NSL1: variants seen among roughly 807,000 people sequenced by gnomAD.
The protein encoded by NSL1 is NSL1 component of MIS12 kinetochore complex.
A neutral mutation model predicts 25.4 loss-of-function variants in NSL1; 11 were observed. That is an observed-to-expected ratio of 0.43 (90% CI 0.27 to 0.72). The LOEUF (loss-of-function observed/expected upper bound fraction) is 0.72, where lower values mean the gene tolerates loss of function less well. Ranked by LOEUF, NSL1 falls within the 30% of genes least tolerant of loss-of-function variation. The pLI is 0.19. For missense variants in NSL1, 330 were observed against 342.7 expected (o/e 0.96, Z 0.29); for synonymous variants, 118 against 120.6 (o/e 0.98, Z 0.14).
chr1:212,776,548 A>G lies in NSL1; in HGVS notation c.499+5824T>C, dbSNP rs1032237406. Among the ~76,000 whole-genome samples the G allele has an allele frequency of 1.3e-4, 20 of 151,648 alleles. No individual in the cohort carries two copies. In the East Asian group the frequency reaches 1.7e-3, roughly 13 times the overall value. On this transcript the variant is annotated intron_variant, in intron 4 of 5. Transcript: ENST00000366977. ...ACAGCCTGGGTGACAGAGCGAGACT[A>G]TGTCTCAATAAAATAAAAATTAAAA... is the stretch of plus-strand genomic sequence containing the variant.
At chr1:212,739,635 T>A (rs1464096171) in intron 4 of NSL1, 34 bp from the exon 5 acceptor site, 1 of 1,602,714 alleles carries the variant, frequency 6.2e-7, no homozygotes. Context: ...ATTTTAGGTT[T>A]TTATCTAATA....
intron 4 of NSL1, among the ~76,000 whole-genome samples, chr1:212,779,745 C>G (rs1387205297): frequency 1.9e-5 from 2 of 105,188 alleles, no homozygotes; most frequent in Non-Finnish European, 4.3e-5. Context: ...GGGGGTCAGC[C>G]CCCCGCCCAG....
At chr1:212,785,015 A>G (rs1558065866) in intron 2 of NSL1, among the ~76,000 whole-genome samples, 1 of 152,244 alleles carries the variant, frequency 6.6e-6, no homozygotes, top group Non-Finnish European at 1.5e-5. Flanking sequence ...GAGACCTGAG[A>G]AAAGTTCTAA....
At position 212,730,344 on chromosome 1, in the gene NSL1, G is replaced by A. The variant is rs1657968601; in HGVS notation, c.*8064C>T. 1 of 984,444 alleles carries A rather than the reference G, an allele frequency of 1.0e-6. No homozygotes were observed. The highest frequency in any genetic ancestry group is 1.8e-5 in the African/African-American group (1 of 56,928). The allele number at this position is 984,444 out of a possible 1,614,324, so 61.0% of individuals were successfully genotyped here. ...TGGCATTCCCATCAAGGTGGCATCA[G>A]GGGCAGAAATGGACAAAAGAACTCC... On this transcript the variant is annotated 3_prime_UTR_variant, in exon 6 of 6. Coordinates refer to ENST00000366977, the MANE Select transcript of NSL1 (RefSeq NM_015471.4).
rs59259608 is a variant in NSL1 at position 212,754,769 on chromosome 1, CA to C, written c.500-15169del. ...GGGCAACAAGAGTAAAATTCTGTCTCAAAAAAAAAAAAAAAACCAACTCAAA... is the reference window on the plus strand; with the variant it reads ...GGGCAACAAGAGTAAAATTCTGTCTCAAAAAAAAAAAAAAACCAACTCAAA... On this transcript the variant is annotated intron_variant, in intron 4 of 5. Coordinates refer to ENST00000366977, the MANE Select transcript of NSL1 (RefSeq NM_015471.4). Among the ~76,000 whole-genome samples the C allele has an allele frequency of 1.3e-3, 96 of 71,312 alleles. 2 individuals are homozygous for C. Among genetic ancestry groups the C allele is most frequent in the Middle Eastern group, 9.6e-3 (1 of 104 alleles). 46.8% of individuals were successfully genotyped at this position (71,312 alleles called of 152,430 possible). A position where few individuals can be genotyped will look rare whatever the true frequency, so the allele number is the denominator to read the frequency against.
chr1:212,786,699 T>C (rs983504355), intron 2 of NSL1, among the ~76,000 whole-genome samples: 2 of 151,082 alleles, frequency 1.3e-5, no homozygotes, highest in African/African-American at 2.4e-5. Flanking sequence ...TTCCAGCTAC[T>C]TGGGAGGCTG....
Position 212,738,307 on chromosome 1 carries a change from T to G in NSL1, c.*101A>C. 6.7e-7 allele frequency: 1 copy of G among 1,499,922 alleles called. No individual in the cohort carries two copies. Among genetic ancestry groups the G allele is most frequent in the Non-Finnish European group, 8.9e-7 (1 of 1,129,406 alleles). The allele number at this position is 1,499,922 out of a possible 1,614,324, so 92.9% of individuals were successfully genotyped here. A position where few individuals can be genotyped will look rare whatever the true frequency, so the allele number is the denominator to read the frequency against. On this transcript the variant is annotated 3_prime_UTR_variant, in exon 6 of 6. Transcript: ENST00000366977. ...TATAAATGAATCACTAGTAAAAGAG[T>G]TATTTCTTATTTCAAATGAAGTCTT...
At position 212,730,910 on chromosome 1, in the gene NSL1, G is replaced by A. The variant is rs1657986731; in HGVS notation, c.*7498C>T. The A allele has an allele frequency of 2.0e-6, 2 of 985,150 alleles. No homozygotes were observed. The highest frequency in any genetic ancestry group is 2.4e-6 in the Non-Finnish European group (2 of 829,908). 61.0% of individuals were successfully genotyped at this position (985,150 alleles called of 1,614,324 possible). On this transcript the variant is annotated 3_prime_UTR_variant, in exon 6 of 6. Coordinates refer to ENST00000366977, the MANE Select transcript of NSL1 (RefSeq NM_015471.4). ...ATTAATGTGTGAGATTGTGATCCAG[G>A]GAAACCGACAAGTTAGAAATTTGCA... is the stretch of plus-strand genomic sequence containing the variant.
In NSL1 at chr1:212,729,939, G is replaced by A. The variant is rs929859079; in HGVS notation, c.*8469C>T. The stretch of plus-strand genomic sequence containing the variant: ...TGCCTTGTGGAGGAACTAAACCTCC[G>A]GAAGGATTTTTTTTTTTAAGAATGA... On this transcript the variant is annotated 3_prime_UTR_variant, in exon 6 of 6. Coordinates refer to ENST00000366977, the MANE Select transcript of NSL1 (RefSeq NM_015471.4). 1.4e-5 allele frequency: 14 copies of A among 984,554 alleles called. No homozygotes were observed. Among genetic ancestry groups the A allele is most frequent in the African/African-American group, 1.2e-4 (7 of 56,910 alleles). 61.0% of individuals were successfully genotyped at this position (984,554 alleles called of 1,614,324 possible). A position where few individuals can be genotyped will look rare whatever the true frequency, so the allele number is the denominator to read the frequency against.
At chr1:212,754,079 G>A (rs1659189490) in intron 4 of NSL1, among the ~76,000 whole-genome samples, 1 of 152,134 alleles carries the variant, frequency 6.6e-6, no homozygotes. Context: ...CTAAGGGAAT[G>A]CTAAAAGTCT....
At chr1:212,752,666 T>C (rs1038120864) in intron 4 of NSL1, among the ~76,000 whole-genome samples, 15 of 152,160 alleles carry the variant, frequency 9.9e-5, no homozygotes, top group African/African-American at 3.6e-4. Flanking sequence ...CATCAGTAGA[T>C]TGCTATAAGG....
Position 212,729,257 on chromosome 1 carries a change from C to G in NSL1, c.*9151G>C. ...AGTGCAGGTTTGCTTGGGCTCCTAG[C>G]CTCTCCCTCAGCTCCCTCTTTTCCC... is the stretch of plus-strand genomic sequence containing the variant. On this transcript the variant is annotated 3_prime_UTR_variant, in exon 6 of 6. Transcript: ENST00000366977. 1.0e-6 allele frequency: 1 copy of G among 985,436 alleles called. No individual in the cohort carries two copies. The highest frequency in any genetic ancestry group is 1.2e-6 in the Non-Finnish European group (1 of 829,928). The allele number at this position is 985,436 out of a possible 1,614,324, so 61.0% of individuals were successfully genotyped here. A position where few individuals can be genotyped will look rare whatever the true frequency, so the allele number is the denominator to read the frequency against.
At chr1:212,779,194 G>A (rs1452022293) in intron 4 of NSL1, among the ~76,000 whole-genome samples, 136 of 134,782 alleles carry the variant, frequency 1.0e-3, no homozygotes, top group African/African-American at 1.7e-3. Context: ...AGTGAGGAGC[G>A]TCTCCGCCCG....
chr1:212,731,228 G>C lies in NSL1; in HGVS notation c.*7180C>G. 1 of 984,666 alleles carries C rather than the reference G, an allele frequency of 1.0e-6. No homozygotes were observed. Among genetic ancestry groups the C allele is most frequent in the Non-Finnish European group, 1.2e-6 (1 of 829,786 alleles). The allele number at this position is 984,666 out of a possible 1,614,324, so 61.0% of individuals were successfully genotyped here. A position where few individuals can be genotyped will look rare whatever the true frequency, so the allele number is the denominator to read the frequency against. ...GAAGAAACCAAAACTAGAATTATCA[G>C]CCAAAAACAGAGAATAGTAAGTCTT... On this transcript the variant is annotated 3_prime_UTR_variant, in exon 6 of 6. Coordinates refer to ENST00000366977, the MANE Select transcript of NSL1 (RefSeq NM_015471.4).
At chr1:212,752,586 TTATTCA>T (rs1475549821) in intron 4 of NSL1, among the ~76,000 whole-genome samples, 1 of 152,208 alleles carries the variant, frequency 6.6e-6, no homozygotes, top group Non-Finnish European at 1.5e-5. Context: ...ATGGAAGCAA[TTATTCA>T]TTACAACAGG....
At chr1:212,755,728 A>G (rs1659276972) in intron 4 of NSL1, among the ~76,000 whole-genome samples, 2 of 151,764 alleles carry the variant, frequency 1.3e-5, no homozygotes, top group African/African-American at 2.4e-5. Flanking sequence ...AAGTTATGGT[A>G]TATTTCATAT....
At chr1:212,786,304 T>A (rs533876492) in intron 2 of NSL1, among the ~76,000 whole-genome samples, 3 of 152,228 alleles carry the variant, frequency 2.0e-5, no homozygotes, top group Admixed American at 2.0e-4. Flanking sequence ...TAATAGTTAT[T>A]TCTTACTTTG....
chr1:212,785,335 A>G (rs1323539811), intron 2 of NSL1, among the ~76,000 whole-genome samples: 1 of 152,204 alleles, frequency 6.6e-6, no homozygotes, highest in East Asian at 1.9e-4. Context: ...CGAGTATGTT[A>G]GGAGTACAGA....
rs140509738 is a variant in NSL1 at position 212,738,746 on chromosome 1, A to C, written c.568-60T>G. 2.7e-4 allele frequency: 389 copies of C among 1,427,994 alleles called. 4 individuals are homozygous for C. The African/African-American group carries it at 5.2e-3, about 19-fold the overall frequency. 88.5% of individuals were successfully genotyped at this position (1,427,994 alleles called of 1,614,324 possible). A position where few individuals can be genotyped will look rare whatever the true frequency, so the allele number is the denominator to read the frequency against. On this transcript the variant is annotated intron_variant, in intron 5 of 5. Transcript: ENST00000366977. Reference sequence around the variant, plus strand: ...TCTCAGGTTGAAACACAAACAGACAAAGATGGATGCAGTACTCTAATTTTT... The same window carrying C: ...TCTCAGGTTGAAACACAAACAGACACAGATGGATGCAGTACTCTAATTTTT...
Sources: gnomAD v4.1 joint callset for allele counts (sites outside exome capture counted in the v4.1 genomes callset) on GRCh38, gnomAD v4.1.1 for gene constraint, MANE v1.5 for transcripts, NCBI Gene and HGNC (gene_info 2026-07-23, HGNC 2026-07-21) for gene names.